PPP3CB: variants seen among roughly 807,000 people sequenced by gnomAD.
The protein encoded by PPP3CB is serine/threonine-protein phosphatase 2B catalytic subunit beta isoform.
In PPP3CB, 8 loss-of-function variants were observed where a neutral mutation model predicts 66.4. The observed-to-expected ratio is 0.12, with a 90% CI of 0.07 to 0.22. The LOEUF is 0.22. Among genes scored for constraint, PPP3CB ranks in the 10% least tolerant of loss-of-function variants. The pLI is 1.00. For missense variants in PPP3CB, 319 were observed against 642.5 expected (o/e 0.50, Z 5.44); for synonymous variants, 208 against 221.2 (o/e 0.94, Z 0.53).
At chr10:73,445,306 T>A (rs1347408800) in intron 11 of PPP3CB, among the ~76,000 whole-genome samples, 1 of 152,176 alleles carries the variant, frequency 6.6e-6, no homozygotes, top group Non-Finnish European at 1.5e-5. Context: ...CTCCTTCTTA[T>A]CCTGCTCTAA....
intron 9 of PPP3CB, 26 bp downstream of exon 9, chr10:73,467,527 A>AT (rs1278618308): frequency 5.5e-6 from 8 of 1,457,630 alleles, no homozygotes; most frequent in Admixed American, 2.9e-5. Flanking sequence ...AATAAAACAA[A>AT]TTTTTTTTAA....
At chr10:73,449,924 T>C (rs1039012542) in intron 10 of PPP3CB, among the ~76,000 whole-genome samples, 4 of 152,048 alleles carry the variant, frequency 2.6e-5, no homozygotes, top group East Asian at 3.9e-4. Flanking sequence ...GCCTTCAAAA[T>C]AGCTGGGACT....
At chr10:73,480,219 C>A in intron 1 of PPP3CB, among the ~76,000 whole-genome samples, 1 of 151,330 alleles carries the variant, frequency 6.6e-6, no homozygotes, top group South Asian at 2.1e-4. Flanking sequence ...TTTCAAAATA[C>A]TGATTTTTCT....
chr10:73,438,022 C>T lies in PPP3CB; in HGVS notation c.*220G>A. 1 of 426,170 alleles carries T rather than the reference C, an allele frequency of 2.3e-6. No homozygotes were observed. Among genetic ancestry groups the T allele is most frequent in the Non-Finnish European group, 4.1e-6 (1 of 244,548 alleles). The allele number at this position is 426,170 out of a possible 1,614,324, so 26.4% of individuals were successfully genotyped here. ...TGGAAATTGCCCCAAGCCCCTTGCT[C>T]ACTGCTCTCCACCTTGGCAGCGATG... On this transcript the variant is annotated 3_prime_UTR_variant, in exon 14 of 14. Coordinates refer to ENST00000360663, the MANE Select transcript of PPP3CB (RefSeq NM_021132.4).
chr10:73,445,202 G>A (rs1480440021), intron 11 of PPP3CB, among the ~76,000 whole-genome samples: 2 of 152,152 alleles, frequency 1.3e-5, no homozygotes, highest in Non-Finnish European at 2.9e-5. Context: ...TGGTCTTCCT[G>A]AATTAACCCC....
chr10:73,444,080 T>A (rs767974722), intron 12 of PPP3CB: 1 of 152,612 alleles, frequency 6.6e-6, no homozygotes, highest in Non-Finnish European at 1.5e-5. Flanking sequence ...CAGACAGATT[T>A]AGGAAAGCAG....
chr10:73,460,260 A>C, intron 9 of PPP3CB, among the ~76,000 whole-genome samples: 1 of 148,080 alleles, frequency 6.8e-6, no homozygotes, highest in South Asian at 2.1e-4. Flanking sequence ...GCAAGAAAGT[A>C]ATAGCAAAAA....
intron 1 of PPP3CB, among the ~76,000 whole-genome samples, chr10:73,483,537 G>C (rs1019876938): frequency 1.3e-5 from 2 of 151,956 alleles, no homozygotes; most frequent in African/African-American, 4.8e-5. Context: ...CATGCCTGTT[G>C]TCCCAGCTAC....
chr10:73,479,097 A>C (rs2056835128), intron 2 of PPP3CB, among the ~76,000 whole-genome samples: 1 of 152,228 alleles, frequency 6.6e-6, no homozygotes, highest in African/African-American at 2.4e-5. Flanking sequence ...ACCTTCACAA[A>C]AGCATATTAG....
At chr10:73,452,132 CTAAAT>C (rs1447343221) in intron 10 of PPP3CB, among the ~76,000 whole-genome samples, 1 of 152,056 alleles carries the variant, frequency 6.6e-6, no homozygotes, top group Non-Finnish European at 1.5e-5. Flanking sequence ...AAAACTCTCA[CTAAAT>C]ATTTCACAGA....
chr10:73,444,187 A>G lies in PPP3CB; in HGVS notation c.1366+538T>C, dbSNP rs1378822967. On this transcript the variant is annotated intron_variant, in intron 12 of 13. Coordinates refer to ENST00000360663, the MANE Select transcript of PPP3CB (RefSeq NM_021132.4). ...CAGAAAACAAACTTTGGCATCATTT[A>G]CCAGGGTACAAAACCTTGCACAAAT... is the stretch of plus-strand genomic sequence containing the variant. 5 of 160,330 alleles carry G rather than the reference A, an allele frequency of 3.1e-5. No individual in the cohort carries two copies. The South Asian group carries it at 7.5e-4, about 24-fold the overall frequency. The allele number at this position is 160,330 out of a possible 1,614,324, so 9.9% of individuals were successfully genotyped here.
chr10:73,443,586 T>A (rs999910724), intron 12 of PPP3CB, among the ~76,000 whole-genome samples: 3 of 152,166 alleles, frequency 2.0e-5, no homozygotes, highest in Non-Finnish European at 4.4e-5. Context: ...AATTCAGGCT[T>A]TTCCACATCA....
At chr10:73,495,628 C>A in intron 1 of PPP3CB, 177 bp downstream of exon 1, 1 of 928,888 alleles carries the variant, frequency 1.1e-6, no homozygotes, top group Non-Finnish European at 1.4e-6. Flanking sequence ...ACCGCGGAAC[C>A]ACTGCCACCG....
chr10:73,445,771 C>CA lies in PPP3CB; in HGVS notation c.1268+720dup, dbSNP rs1419442256. ...ACCCTTTTTTTTTTTTTTTCTGAGA[C>CA]AGAGTCTCACTCTGTCACCCAGGCT... is the stretch of plus-strand genomic sequence containing the variant. On this transcript the variant is annotated intron_variant, in intron 11 of 13. Coordinates refer to ENST00000360663, the MANE Select transcript of PPP3CB (RefSeq NM_021132.4). 2.5e-4 allele frequency among the ~76,000 whole-genome samples: 35 copies of CA among 138,980 alleles called. No homozygotes were observed. In the East Asian group the frequency reaches 7.0e-3, roughly 28 times the overall value. 91.2% of individuals were successfully genotyped at this position (138,980 alleles called of 152,430 possible).
intron 10 of PPP3CB, among the ~76,000 whole-genome samples, chr10:73,451,096 C>T (rs1378517813): frequency 2.0e-5 from 3 of 151,948 alleles, no homozygotes; most frequent in Admixed American, 6.5e-5. Context: ...TATAATTAGA[C>T]TTAACAAGGA....
At chr10:73,480,505 C>A (rs993235138) in intron 1 of PPP3CB, among the ~76,000 whole-genome samples, 1 of 140,620 alleles carries the variant, frequency 7.1e-6, no homozygotes, top group Admixed American at 7.8e-5. Flanking sequence ...AATGCAGTGG[C>A]GTGAACTCGG....
intron 9 of PPP3CB, 61 bp from the exon 10 acceptor site, chr10:73,454,550 T>C (rs1285332590): frequency 1.8e-6 from 2 of 1,084,706 alleles, no homozygotes; most frequent in Middle Eastern, 2.1e-4. Context: ...TACATACACA[T>C]AGCAACTATT....
At chr10:73,485,424 A>G (rs2056955302) in intron 1 of PPP3CB, among the ~76,000 whole-genome samples, 1 of 152,136 alleles carries the variant, frequency 6.6e-6, no homozygotes, top group African/African-American at 2.4e-5. Flanking sequence ...CCCAATTCTA[A>G]GCAAGGACTG....
At chr10:73,484,977 T>TG (rs1434156654) in intron 1 of PPP3CB, among the ~76,000 whole-genome samples, 2 of 151,798 alleles carry the variant, frequency 1.3e-5, no homozygotes, top group African/African-American at 2.4e-5. Flanking sequence ...TGCTTGAACC[T>TG]GGGGGGCAGA....
Sources: gnomAD v4.1 joint callset for allele counts (sites outside exome capture counted in the v4.1 genomes callset) on GRCh38, gnomAD v4.1.1 for gene constraint, MANE v1.5 for transcripts, NCBI Gene and HGNC (gene_info 2026-07-23, HGNC 2026-07-21) for gene names.